RIMS1: variants seen among roughly 807,000 people sequenced by gnomAD.
RIMS1 encodes the protein regulating synaptic membrane exocytosis protein 1.
Under a neutral mutation model 214.1 loss-of-function variants are expected in RIMS1, and 83 were observed. That is an observed-to-expected ratio of 0.39 (90% CI 0.32 to 0.47). RIMS1 has a LOEUF of 0.47. RIMS1 is among the 20% of genes least tolerant of loss of function. The pLI is 0.99. For synonymous variants in RIMS1, 793 were observed against 786.8 expected (o/e 1.01, Z -0.13); for missense variants, 2,050 against 2,161.8 (o/e 0.95, Z 1.03).
intron 29 of RIMS1, among the ~76,000 whole-genome samples, chr6:72,334,574 A>G (rs547019967): frequency 2.6e-5 from 4 of 152,046 alleles, no homozygotes; most frequent in African/African-American, 9.6e-5. Flanking sequence ...TATGCTCAAT[A>G]CTATGTAAAA....
intron 2 of RIMS1, among the ~76,000 whole-genome samples, chr6:72,043,916 C>G (rs533125781): frequency 3.3e-5 from 5 of 151,224 alleles, no homozygotes; most frequent in African/African-American, 7.3e-5. Context: ...CCCAACAACC[C>G]CTGTGTGTAT....
At chr6:72,265,920 T>C in intron 21 of RIMS1, 40 bp from the exon 22 acceptor site, 1 of 1,394,878 alleles carries the variant, frequency 7.2e-7, no homozygotes, top group Non-Finnish European at 9.9e-7. Context: ...GTTTTCTCTG[T>C]CTTTCTCTTC....
chr6:72,275,338 A>T (rs951503015), intron 23 of RIMS1, among the ~76,000 whole-genome samples: 7 of 151,322 alleles, frequency 4.6e-5, no homozygotes, highest in Non-Finnish European at 8.8e-5. Context: ...ATAATTAGTC[A>T]TGTAAATGTA....
chr6:72,082,873 A>G (rs111351582), intron 2 of RIMS1, among the ~76,000 whole-genome samples: 3,948 of 152,254 alleles, frequency 0.026, 145 homozygotes, highest in African/African-American at 0.089. Context: ...ATTAGGGGAC[A>G]TTGCACTTCT....
chr6:72,138,672 A>G (rs1263369379), intron 4 of RIMS1, among the ~76,000 whole-genome samples: 14 of 152,208 alleles, frequency 9.2e-5, no homozygotes. Flanking sequence ...TCAACAAAAA[A>G]ATATAAAAAG....
intron 4 of RIMS1, among the ~76,000 whole-genome samples, chr6:72,102,318 G>A (rs2033789909): frequency 6.6e-6 from 1 of 151,898 alleles, no homozygotes; most frequent in Admixed American, 6.6e-5. Flanking sequence ...CAAAGAAAGT[G>A]TCAGGTTTTA....
rs1452878303 is a variant in RIMS1 at position 72,004,810 on chromosome 6, T to C, written c.245+35747T>C. On this transcript the variant is annotated intron_variant, in intron 2 of 33. Transcript: ENST00000521978. Reference sequence around the variant, plus strand: ...AGTAGGTTGTGAAAATTTTCTCCCATTCTGTAGGTTGCCTGTTCACTCTGA... The same window carrying C: ...AGTAGGTTGTGAAAATTTTCTCCCACTCTGTAGGTTGCCTGTTCACTCTGA... Among the ~76,000 whole-genome samples, 262 of 151,478 alleles carry C rather than the reference T, an allele frequency of 1.7e-3. 1 individual carries two copies. The highest frequency in any genetic ancestry group is 3.4e-3 in the Middle Eastern group (1 of 294).
chr6:72,232,265 G>A (rs1029081472), intron 6 of RIMS1, among the ~76,000 whole-genome samples: 6 of 151,468 alleles, frequency 4.0e-5, no homozygotes, highest in African/African-American at 1.5e-4. Flanking sequence ...TTTACAAATT[G>A]CAATAATTAC....
intron 29 of RIMS1, among the ~76,000 whole-genome samples, chr6:72,339,514 G>A (rs1228227723): frequency 6.6e-6 from 1 of 151,206 alleles, no homozygotes; most frequent in African/African-American, 2.4e-5. Flanking sequence ...ATTCCCAGCT[G>A]TGAGTGAGAA....
chr6:72,346,881 G>C (rs911411245), intron 29 of RIMS1, among the ~76,000 whole-genome samples: 2 of 151,734 alleles, frequency 1.3e-5, no homozygotes, highest in Non-Finnish European at 2.9e-5. Context: ...AATCCACAAA[G>C]TTATAAATAT....
chr6:71,906,570 AAT>A, intron 1 of RIMS1, among the ~76,000 whole-genome samples: 1 of 152,186 alleles, frequency 6.6e-6, no homozygotes, highest in East Asian at 1.9e-4. Context: ...AAATGCAGGT[AAT>A]AACTGAGAAT....
At chr6:71,987,532 A>C (rs1281983364) in intron 2 of RIMS1, among the ~76,000 whole-genome samples, 3 of 152,190 alleles carry the variant, frequency 2.0e-5, no homozygotes, top group Non-Finnish European at 2.9e-5. Context: ...TGGGTATTAG[A>C]CTACAACATA....
In RIMS1 at chr6:72,212,953, A is replaced by G. The variant is rs1040305697; in HGVS notation, c.1679-20820A>G. 37 of 1,404,744 alleles carry G rather than the reference A, an allele frequency of 2.6e-5. 1 individual carries two copies. In the South Asian group the frequency reaches 3.5e-4, roughly 13 times the overall value. 87.0% of individuals were successfully genotyped at this position (1,404,744 alleles called of 1,614,324 possible). ...AGGAGACTTTCTTGTTCTCACACCA[A>G]TGTTTTATTTCAGTTTCCATTTTCT... On this transcript the variant is annotated intron_variant, in intron 6 of 33. Transcript: ENST00000521978.
At chr6:72,356,049 A>C (rs1209048004) in intron 29 of RIMS1, among the ~76,000 whole-genome samples, 1 of 152,202 alleles carries the variant, frequency 6.6e-6, no homozygotes, top group Non-Finnish European at 1.5e-5. Context: ...ATTCCAGTCT[A>C]CTATATTAAG....
intron 33 of RIMS1, 60 bp downstream of exon 33, chr6:72,399,154 G>T: frequency 7.2e-7 from 1 of 1,385,580 alleles, no homozygotes. Flanking sequence ...ATACATCGAA[G>T]AGATGGTCAA....
intron 29 of RIMS1, among the ~76,000 whole-genome samples, chr6:72,343,218 T>G (rs1416542): frequency 0.02 from 3,006 of 151,932 alleles, 83 homozygotes; most frequent in African/African-American, 0.069. Flanking sequence ...CCAAGGTGTC[T>G]GAAATGACCA....
intron 2 of RIMS1, among the ~76,000 whole-genome samples, chr6:72,088,317 C>T (rs1835235363): frequency 6.6e-6 from 1 of 151,790 alleles, no homozygotes; most frequent in South Asian, 2.1e-4. Flanking sequence ...GGCCTGATCT[C>T]GGCTCACTGC....
intron 4 of RIMS1, among the ~76,000 whole-genome samples, chr6:72,167,353 T>C (rs1275855188): frequency 1.3e-5 from 2 of 152,070 alleles, no homozygotes; most frequent in Non-Finnish European, 2.9e-5. Context: ...TGCTTCCCTG[T>C]TTGAGAGACA....
chr6:72,338,216 A>G lies in RIMS1; in HGVS notation c.4366+4381A>G, dbSNP rs557844354. Among the ~76,000 whole-genome samples the G allele has an allele frequency of 4.0e-5, 6 of 151,820 alleles. No homozygotes were observed. In the South Asian group the frequency reaches 8.3e-4, roughly 21 times the overall value. ...GTTTACAGTCCCACCAACAGTGTAA[A>G]AGTGTTCCTATTTCTCCACATCCTC... On this transcript the variant is annotated intron_variant, in intron 29 of 33. Transcript: ENST00000521978.
Sources: gnomAD v4.1 joint callset for allele counts (sites outside exome capture counted in the v4.1 genomes callset) on GRCh38, gnomAD v4.1.1 for gene constraint, MANE v1.5 for transcripts, NCBI Gene and HGNC (gene_info 2026-07-23, HGNC 2026-07-21) for gene names.